The following TENT2 variants were observed in gnomAD, a reference collection of about 807,000 sequenced individuals.
TENT2 encodes poly(A) RNA polymerase GLD2.
TENT2 carries 44 observed loss-of-function variants against 72.2 expected under a neutral mutation model. The observed-to-expected ratio is 0.61, with a 90% CI of 0.48 to 0.78. The LOEUF (loss-of-function observed/expected upper bound fraction) is 0.78, where lower values mean the gene tolerates loss of function less well. TENT2 is among the 30% of genes least tolerant of loss of function. The pLI, the probability that TENT2 is intolerant of heterozygous loss-of-function variation, is 0.00. For synonymous variants in TENT2, 212 were observed against 192.5 expected, an observed-to-expected ratio of 1.10 and a Z score of -0.84; for missense variants, 541 against 569.6, an observed-to-expected ratio of 0.95 and a Z score of 0.51.
In TENT2 at chr5:79,623,395, A is replaced by C; in HGVS notation, c.371A>C (p.His124Pro). ...TCAATGCCACCATTGTTTCATACAC[A>C]TTATGTACCAGATATAGTCAGATGT... is the stretch of plus-strand genomic sequence containing the variant. Reference protein sequence around the residue: ...RYSMPPLFHTHYVPDIVRCVP... With the variant: ...RYSMPPLFHTPYVPDIVRCVP... The change falls in exon 4 of 15, where the codon CAT becomes CCT. Residue 124 changes from histidine to proline, a missense_variant. Coordinates refer to ENST00000453514, the MANE Select transcript of TENT2 (RefSeq NM_001114394.3). The C allele has an allele frequency of 6.2e-7, 1 of 1,613,510 alleles. No individual in the cohort carries two copies. Among genetic ancestry groups the C allele is most frequent in the Admixed American group, 1.7e-5 (1 of 59,950 alleles).
At chr5:79,621,919 GTA>G (rs1398951098) in intron 3 of TENT2, among the ~76,000 whole-genome samples, 1 of 152,036 alleles carries the variant, frequency 6.6e-6, no homozygotes, top group Non-Finnish European at 1.5e-5. Flanking sequence ...ATTTAGCACT[GTA>G]TATTTTACCT....
chr5:79,640,666 G>T (rs1223580350), intron 4 of TENT2, among the ~76,000 whole-genome samples, 185 bp from the exon 5 acceptor site: 2 of 152,106 alleles, frequency 1.3e-5, no homozygotes, highest in Non-Finnish European at 2.9e-5. Flanking sequence ...AAATTTATGT[G>T]TGGTTTTTCA....
At chr5:79,648,513 T>C in intron 8 of TENT2, 104 bp from the exon 9 acceptor site, 1 of 753,102 alleles carries the variant, frequency 1.3e-6, no homozygotes, top group East Asian at 2.8e-5. Context: ...GGGCCCATAC[T>C]ATTTTGCATC....
intron 10 of TENT2, among the ~76,000 whole-genome samples, chr5:79,650,850 A>G (rs1276063391): frequency 6.6e-6 from 1 of 152,050 alleles, no homozygotes; most frequent in Non-Finnish European, 1.5e-5. Flanking sequence ...TTTTACTAGT[A>G]TAGGAGGATA....
chr5:79,625,834 G>GT (rs11323205), intron 4 of TENT2, among the ~76,000 whole-genome samples: 3,173 of 144,612 alleles, frequency 0.022, 48 homozygotes, highest in African/African-American at 0.037. Context: ...TTAGTTAGCT[G>GT]TTTTTTTTTT....
At chr5:79,644,408 G>T (rs969608713) in intron 7 of TENT2, among the ~76,000 whole-genome samples, 5 of 152,072 alleles carry the variant, frequency 3.3e-5, no homozygotes, top group Admixed American at 2.0e-4. Flanking sequence ...AAGATTTTCA[G>T]AATTTCATTT....
At chr5:79,645,898 G>A (rs188082463) in intron 8 of TENT2, among the ~76,000 whole-genome samples, 6 of 152,142 alleles carry the variant, frequency 3.9e-5, no homozygotes, top group South Asian at 4.2e-4. Flanking sequence ...GTGTTTTCAC[G>A]AATTTGCCTA....
At chr5:79,619,839 G>A (rs72766791) in intron 2 of TENT2, 54 bp downstream of exon 2, 79,627 of 1,568,466 alleles carry the variant, frequency 0.051, 2,284 homozygotes, top group Middle Eastern at 0.069. Flanking sequence ...TTTTCTATTT[G>A]ACATAAACCC....
intron 10 of TENT2, among the ~76,000 whole-genome samples, chr5:79,651,282 A>G (rs772032691): frequency 1.3e-5 from 2 of 151,972 alleles, no homozygotes; most frequent in Non-Finnish European, 1.5e-5. Context: ...TAAAGGGTGG[A>G]TGTTCTTTTT....
At chr5:79,639,621 A>G (rs1782856292) in intron 4 of TENT2, among the ~76,000 whole-genome samples, 1 of 152,132 alleles carries the variant, frequency 6.6e-6, no homozygotes, top group African/African-American at 2.4e-5. Flanking sequence ...GAAAGAAATA[A>G]CACCATTTTT....
At chr5:79,664,589 T>C (rs929129330) in intron 11 of TENT2, among the ~76,000 whole-genome samples, 1 of 136,188 alleles carries the variant, frequency 7.3e-6, no homozygotes, top group Non-Finnish European at 1.5e-5. Context: ...AGTCTCACTC[T>C]GTCTCAAAAA....
chr5:79,658,872 C>T (rs1277070672), intron 11 of TENT2, among the ~76,000 whole-genome samples: 1 of 152,102 alleles, frequency 6.6e-6, no homozygotes, highest in African/African-American at 2.4e-5. Flanking sequence ...AGCTTTCTCC[C>T]ATGACAGAGT....
At chr5:79,658,054 A>G (rs983742018) in intron 11 of TENT2, among the ~76,000 whole-genome samples, 1 of 152,224 alleles carries the variant, frequency 6.6e-6, no homozygotes, top group African/African-American at 2.4e-5. Flanking sequence ...TAATGCACAC[A>G]TGCAAGGTGC....
At chr5:79,618,301 A>C (rs1027390666) in intron 1 of TENT2, among the ~76,000 whole-genome samples, 1 of 152,140 alleles carries the variant, frequency 6.6e-6, no homozygotes, top group Non-Finnish European at 1.5e-5. Flanking sequence ...AACATGGTTC[A>C]CTACAGCCTT....
chr5:79,666,877 G>C (rs1343432643), intron 11 of TENT2, among the ~76,000 whole-genome samples: 1 of 152,106 alleles, frequency 6.6e-6, no homozygotes, highest in Non-Finnish European at 1.5e-5. Context: ...TGGCTTAGGG[G>C]ATTTCTTAAG....
chr5:79,662,918 G>GT (rs1014024389), intron 11 of TENT2, among the ~76,000 whole-genome samples: 3 of 152,150 alleles, frequency 2.0e-5, no homozygotes, highest in African/African-American at 7.2e-5. Context: ...ATAGAAGCCT[G>GT]TTTCATTTAC....
rs1272541902 is a variant in TENT2, at chr5:79,645,154, A to T, written c.783A>T (p.Arg261=). The T allele has an allele frequency of 6.2e-7, 1 of 1,609,134 alleles. No homozygotes were observed. The highest frequency in any genetic ancestry group is 1.7e-5 in the Admixed American group (1 of 59,060). Residue 261 remains arginine (R), a synonymous_variant, in exon 8 of 15, where the codon CGA becomes CGT. Coordinates refer to ENST00000453514, the MANE Select transcript of TENT2 (RefSeq NM_001114394.3). ...ACATTGAGAGACCTCAGCTGATTCGAGCAAAAGTGCCAATTGTGAAGTTCA... is the reference window on the plus strand; with the variant it reads ...ACATTGAGAGACCTCAGCTGATTCGTGCAAAAGTGCCAATTGTGAAGTTCA... ...SGYIERPQLI[R]AKVPIVKFRD...
At chr5:79,649,386 G>GTTTTT (rs372101489) in intron 10 of TENT2, among the ~76,000 whole-genome samples, 196 bp downstream of exon 10, 1 of 140,076 alleles carries the variant, frequency 7.1e-6, no homozygotes, top group Non-Finnish European at 1.5e-5. Context: ...AAGTTTCACT[G>GTTTTT]TTTTTTTTTT....
chr5:79,647,510 C>T (rs886292430), intron 8 of TENT2, among the ~76,000 whole-genome samples: 10 of 152,054 alleles, frequency 6.6e-5, no homozygotes, highest in African/African-American at 1.9e-4. Flanking sequence ...TTCCCAAAGC[C>T]AAATAACGTA....
Sources: gnomAD v4.1 joint callset for allele counts (sites outside exome capture counted in the v4.1 genomes callset) on GRCh38, gnomAD v4.1.1 for gene constraint, MANE v1.5 for transcripts, NCBI Gene and HGNC (gene_info 2026-07-23, HGNC 2026-07-21) for gene names.